SLCO2B1: variants seen among roughly 807,000 people sequenced by gnomAD.
The protein encoded by SLCO2B1 is OATP-RP2.
A neutral mutation model predicts 67.3 loss-of-function variants in SLCO2B1; 41 were observed. The observed-to-expected ratio is 0.61, with a 90% CI of 0.47 to 0.79. The LOEUF is 0.79. Ranked by LOEUF, SLCO2B1 falls within the 30% of genes least tolerant of loss-of-function variation. The pLI is 0.00. For synonymous variants in SLCO2B1, 379 were observed against 381.4 expected (o/e 0.99, Z 0.07); for missense variants, 837 against 920.1 (o/e 0.91, Z 1.17).
At chr11:75,178,888 T>G (rs896305452) in intron 7 of SLCO2B1, among the ~76,000 whole-genome samples, 9 of 152,248 alleles carry the variant, frequency 5.9e-5, no homozygotes, top group African/African-American at 2.2e-4. Context: ...TGTGCCTGGC[T>G]TATTTCACTT....
rs1248043766 is a variant in SLCO2B1, at chr11:75,206,079, G to A, written c.*1499G>A. The A allele has an allele frequency of 6.6e-6, 1 of 152,204 alleles. No individual in the cohort carries two copies. The highest frequency in any genetic ancestry group is 2.4e-5 in the African/African-American group (1 of 41,444). The allele number at this position is 152,204 out of a possible 1,614,324, so 9.4% of individuals were successfully genotyped here. On this transcript the variant is annotated 3_prime_UTR_variant, in exon 14 of 14. Coordinates refer to ENST00000289575, the MANE Select transcript of SLCO2B1 (RefSeq NM_007256.5). Reference sequence around the variant, plus strand: ...ATTTTGCTGGTTGGTATCTGTAAATGTTTAATAAATATCTGAGCATGTATC... The same window carrying A: ...ATTTTGCTGGTTGGTATCTGTAAATATTTAATAAATATCTGAGCATGTATC...
chr11:75,185,857 G>A (rs1191911823), intron 7 of SLCO2B1, among the ~76,000 whole-genome samples: 1 of 152,060 alleles, frequency 6.6e-6, no homozygotes, highest in Non-Finnish European at 1.5e-5. Context: ...TGTGATCAAC[G>A]ATTTTCTTAA....
intron 8 of SLCO2B1, among the ~76,000 whole-genome samples, chr11:75,192,080 TC>T (rs1945030023): frequency 6.6e-6 from 1 of 152,080 alleles, no homozygotes; most frequent in Non-Finnish European, 1.5e-5. Context: ...TTCCTTTTCC[TC>T]CTCGCTTTAC....
At chr11:75,153,760 G>A (rs542134916) in intron 1 of SLCO2B1, among the ~76,000 whole-genome samples, 1 of 152,284 alleles carries the variant, frequency 6.6e-6, no homozygotes, top group East Asian at 1.9e-4. Flanking sequence ...AGTTGATGGG[G>A]CCCAGTCACA....
intron 8 of SLCO2B1, 109 bp downstream of exon 8, chr11:75,188,347 C>A (rs1166299146): frequency 5.6e-6 from 4 of 713,624 alleles, no homozygotes; most frequent in Non-Finnish European, 1.0e-5. Context: ...TACCTGCAGA[C>A]CCCTCATGAG....
intron 6 of SLCO2B1, among the ~76,000 whole-genome samples, chr11:75,171,029 C>T (rs1018287592): frequency 9.2e-5 from 14 of 152,106 alleles, no homozygotes; most frequent in Admixed American, 7.2e-4. Flanking sequence ...GAGAAGCGGA[C>T]GGGTTGGAGA....
rs1206949282 is a variant in SLCO2B1, at chr11:75,193,398, C to T, written c.1256C>T (p.Pro419Leu). ...CTGCTCATCGGCTGCCTCTCCTTCC[C>T]TTCGGTCATCGTGGGCATCGTGGTG... ...ANLLIGCLSF[P>L]SVIVGIVVGG... Residue 419 changes from proline to leucine, a missense_variant, in exon 9 of 14, where the codon CCT becomes CTT. Transcript: ENST00000289575. This position sits in a 1 kb window ranked among gnomAD's most constrained non-coding sequence, Gnocchi z 4.2. The T allele has an allele frequency of 1.9e-6, 3 of 1,614,076 alleles. No individual in the cohort carries two copies. The highest frequency in any genetic ancestry group is 2.7e-5 in the African/African-American group (2 of 74,950).
At chr11:75,179,753 T>C (rs187767006) in intron 7 of SLCO2B1, among the ~76,000 whole-genome samples, 27 of 152,284 alleles carry the variant, frequency 1.8e-4, no homozygotes, top group Non-Finnish European at 3.7e-4. Context: ...TTTTGTTTTT[T>C]TGAAACAGAG....
At chr11:75,159,461 G>A (rs1949787249) in intron 1 of SLCO2B1, among the ~76,000 whole-genome samples, 1 of 152,202 alleles carries the variant, frequency 6.6e-6, no homozygotes. Context: ...TGTCAGGGGT[G>A]GCCCCTGACA....
chr11:75,182,183 C>T (rs1036156295), intron 7 of SLCO2B1, among the ~76,000 whole-genome samples: 3 of 152,200 alleles, frequency 2.0e-5, no homozygotes, highest in African/African-American at 7.2e-5. Context: ...GCTCACTTCT[C>T]CCTGGATGTC....
At chr11:75,167,895 C>CTTT (rs561140005) in intron 4 of SLCO2B1, among the ~76,000 whole-genome samples, 1,403 of 134,396 alleles carry the variant, frequency 0.01, 18 homozygotes, top group African/African-American at 0.021. Flanking sequence ...TTCTTTCTTT[C>CTTT]TTTTTTTTTT....
intron 10 of SLCO2B1, among the ~76,000 whole-genome samples, chr11:75,197,843 G>C (rs919297851): frequency 6.6e-6 from 1 of 152,202 alleles, no homozygotes; most frequent in African/African-American, 2.4e-5. Flanking sequence ...AGTGCATTCT[G>C]AATCTTAGGA....
chr11:75,185,927 GTTC>G (rs1333040982), intron 7 of SLCO2B1, among the ~76,000 whole-genome samples: 9 of 152,132 alleles, frequency 5.9e-5, no homozygotes, highest in Non-Finnish European at 1.3e-4. Context: ...AAATGCTTCT[GTTC>G]TCCAGACATG....
chr11:75,186,652 C>T (rs1474204462), intron 7 of SLCO2B1, among the ~76,000 whole-genome samples: 1 of 152,158 alleles, frequency 6.6e-6, no homozygotes, highest in Non-Finnish European at 1.5e-5. Context: ...CACACCCGGC[C>T]TAGGCATAAG....
At chr11:75,153,910 T>G (rs1388254728) in intron 1 of SLCO2B1, among the ~76,000 whole-genome samples, 1 of 149,538 alleles carries the variant, frequency 6.7e-6, no homozygotes, top group East Asian at 2.0e-4. Flanking sequence ...ATAACCCCAA[T>G]CATGTGTACA....
chr11:75,183,506 C>T (rs954412204), intron 7 of SLCO2B1, among the ~76,000 whole-genome samples: 1 of 152,174 alleles, frequency 6.6e-6, no homozygotes, highest in African/African-American at 2.4e-5. Context: ...CTGTCTGACT[C>T]AGGGGGCTAG....
In SLCO2B1 at chr11:75,167,714, T is replaced by C. The variant is rs1306888419; in HGVS notation, c.449-1459T>C. Among the ~76,000 whole-genome samples the C allele has an allele frequency of 3.3e-5, 5 of 152,172 alleles. No homozygotes were observed. In the East Asian group the frequency reaches 9.7e-4, roughly 29 times the overall value. ...CACACTCACCACCCACCACTCTTAA[T>C]GTTCACGACTCCAGGAGGCAGGGAT... On this transcript the variant is annotated intron_variant, in intron 4 of 13. Transcript: ENST00000289575.
chr11:75,165,909 C>T lies in SLCO2B1; in HGVS notation c.408C>T (p.His136=). Residue 136 remains histidine, a synonymous_variant, in exon 4 of 14, where the codon CAC becomes CAT. Coordinates refer to ENST00000289575, the MANE Select transcript of SLCO2B1 (RefSeq NM_007256.5). ...CGGGCCTGCTCATGACTCTCCCGCACTTCATCTCGGAGCCATACCGCTACG... is the reference window on the plus strand; with the variant it reads ...CGGGCCTGCTCATGACTCTCCCGCATTTCATCTCGGAGCCATACCGCTACG... ...ALAGLLMTLP[H]FISEPYRYDN... is the part of the protein sequence containing the mutation. 6.2e-7 allele frequency: 1 copy of T among 1,614,140 alleles called. No homozygotes were observed.
At chr11:75,198,886 G>A (rs1945141796) in intron 10 of SLCO2B1, among the ~76,000 whole-genome samples, 1 of 152,188 alleles carries the variant, frequency 6.6e-6, no homozygotes, top group Non-Finnish European at 1.5e-5. Flanking sequence ...ATGAGACTCT[G>A]AGGCAGCAGA....
Sources: allele counts gnomAD v4.1 joint callset (sites outside exome capture counted in the v4.1 genomes callset), GRCh38; gene constraint gnomAD v4.1.1; non-coding constraint Gnocchi (gnomAD v3.1); transcripts MANE v1.5; gene names NCBI Gene and HGNC (gene_info 2026-07-23, HGNC 2026-07-21).